The following SLC22A3 variants were observed in gnomAD, a reference collection of about 807,000 sequenced individuals.
SLC22A3 encodes the protein solute carrier family 22 member 3.
SLC22A3 carries 51 observed loss-of-function variants against 59.1 expected under a neutral mutation model. The observed-to-expected ratio is 0.86, with a 90% confidence interval of 0.69 to 1.09. The LOEUF is 1.09. Among genes scored for constraint, SLC22A3 ranks in the 50% least tolerant of loss-of-function variants. The pLI is 0.00. For synonymous variants in SLC22A3, 325 were observed against 292.0 expected (o/e 1.11, Z -1.15); for missense variants, 711 against 726.3 (o/e 0.98, Z 0.24).
chr6:160,443,816 T>A (rs1050851473), intron 9 of SLC22A3, 74 bp downstream of exon 9: 13 of 738,532 alleles, frequency 1.8e-5, no homozygotes, highest in Non-Finnish European at 2.8e-5. Flanking sequence ...TAATAATTGT[T>A]AGGTTCAATA....
chr6:160,443,741 T>C lies in SLC22A3; in HGVS notation c.1509T>C (p.Phe503=), dbSNP rs1215821159. The change falls in exon 9 of 11, where the codon TTT becomes TTC. Residue 503 remains phenylalanine, a splice_region_variant and synonymous_variant. Transcript: ENST00000275300. ...AVWLELPLII[F]GILASICGGL... ...GGCTAGAACTACCTCTGATCATCTT[T>C]GGTAAGAACTCATTTGCTATTCTTA... 1.3e-6 allele frequency: 2 copies of C among 1,588,692 alleles called. No individual in the cohort carries two copies. Among genetic ancestry groups the C allele is most frequent in the African/African-American group, 1.3e-5 (1 of 74,398 alleles).
rs74709039 is a variant in SLC22A3, at chr6:160,353,805, C to T, written c.429+4957C>T. Reference sequence around the variant, plus strand: ...ATGGTCCATGGACCACACAGAGAGACAAGCTGGGTGTTTCTTAATGAGGAG... The same window carrying T: ...ATGGTCCATGGACCACACAGAGAGATAAGCTGGGTGTTTCTTAATGAGGAG... On this transcript the variant is annotated intron_variant, in intron 1 of 10. Transcript: ENST00000275300. Among the ~76,000 whole-genome samples the T allele has an allele frequency of 8.0e-3, 1,209 of 151,978 alleles. 19 individuals are homozygous for T. The highest frequency in any genetic ancestry group is 0.025 in the African/African-American group (1,019 of 41,414).
At chr6:160,426,421 A>G in intron 5 of SLC22A3, 1 of 909,598 alleles carries the variant, frequency 1.1e-6, no homozygotes, top group Non-Finnish European at 1.3e-6. Flanking sequence ...CACTCGTCTC[A>G]TGTCCTACTT....
intron 5 of SLC22A3, among the ~76,000 whole-genome samples, chr6:160,432,455 G>C (rs1788186156): frequency 1.3e-5 from 2 of 148,460 alleles, no homozygotes; most frequent in South Asian, 4.3e-4. Flanking sequence ...TTTTGAGACG[G>C]AGTCTCCCCG....
intron 5 of SLC22A3, among the ~76,000 whole-genome samples, chr6:160,411,576 A>C (rs1449860185): frequency 6.6e-6 from 1 of 152,046 alleles, no homozygotes; most frequent in Non-Finnish European, 1.5e-5. Flanking sequence ...ATCTCTACAA[A>C]TAGAAAGTTT....
At position 160,348,455 on chromosome 6, in the gene SLC22A3, C is replaced by G; in HGVS notation, c.36C>G (p.Gly12=). 1 of 1,531,874 alleles carries G rather than the reference C, an allele frequency of 6.5e-7. No homozygotes were observed. Among genetic ancestry groups the G allele is most frequent in the Non-Finnish European group, 8.7e-7 (1 of 1,143,104 alleles). The allele number at this position is 1,531,874 out of a possible 1,614,324, so 94.9% of individuals were successfully genotyped here. ...PSFDEALQRV[G]EFGRFQRRVF... is the part of the protein sequence containing the mutation. ...TCGACGAGGCGCTGCAGCGGGTGGGCGAGTTCGGGCGCTTCCAGAGGCGCG... is the reference window on the plus strand; with the variant it reads ...TCGACGAGGCGCTGCAGCGGGTGGGGGAGTTCGGGCGCTTCCAGAGGCGCG... Residue 12 remains glycine (G), a synonymous_variant, in exon 1 of 11, where the codon GGC becomes GGG. Transcript: ENST00000275300.
intron 5 of SLC22A3, among the ~76,000 whole-genome samples, chr6:160,418,055 G>T (rs953626444): frequency 6.6e-6 from 1 of 152,168 alleles, no homozygotes; most frequent in African/African-American, 2.4e-5. Context: ...TGGATTGAAG[G>T]ATGCCTAGAT....
At chr6:160,386,898 G>T (rs894437810) in intron 1 of SLC22A3, among the ~76,000 whole-genome samples, 2 of 152,286 alleles carry the variant, frequency 1.3e-5, no homozygotes, top group East Asian at 3.9e-4. Flanking sequence ...CATCTTGATG[G>T]TCACACTGCA....
At chr6:160,349,140 C>T (rs1035577191) in intron 1 of SLC22A3, 1 of 900,384 alleles carries the variant, frequency 1.1e-6, no homozygotes, top group African/African-American at 1.8e-5. Context: ...CTGGCGCACG[C>T]CTGCTCAGGA....
intron 1 of SLC22A3, among the ~76,000 whole-genome samples, chr6:160,351,661 A>G (rs1360574420): frequency 6.6e-6 from 1 of 152,256 alleles, no homozygotes; most frequent in African/African-American, 2.4e-5. Context: ...GTATTTTTAT[A>G]AACTTGAAGC....
chr6:160,368,145 C>T lies in SLC22A3; in HGVS notation c.429+19297C>T, dbSNP rs138473905. On this transcript the variant is annotated intron_variant, in intron 1 of 10. Coordinates refer to ENST00000275300, the MANE Select transcript of SLC22A3 (RefSeq NM_021977.4). ...TGCCAACTTCCAACCTGCCCCTCCC[C>T]ACTCATACCCTCTCCCCCTACTCTT... 7.7e-4 allele frequency among the ~76,000 whole-genome samples: 117 copies of T among 152,236 alleles called. 1 individual carries two copies. The highest frequency in any genetic ancestry group is 2.7e-3 in the African/African-American group (114 of 41,530).
At chr6:160,448,005 T>A (rs552450826) in intron 10 of SLC22A3, among the ~76,000 whole-genome samples, 187 bp downstream of exon 10, 1 of 152,240 alleles carries the variant, frequency 6.6e-6, no homozygotes, top group South Asian at 2.1e-4. Context: ...CAGAGCTAGA[T>A]AAGAGTATGC....
intron 1 of SLC22A3, among the ~76,000 whole-genome samples, chr6:160,351,868 G>A (rs624319): frequency 0.41 from 63,033 of 152,034 alleles, 13,540 homozygotes; most frequent in Non-Finnish European, 0.48. Context: ...AGCCAAACTG[G>A]ATTCAAATCC....
chr6:160,447,582 T>G (rs1472330940), intron 9 of SLC22A3, 137 bp from the exon 10 acceptor site: 3 of 747,020 alleles, frequency 4.0e-6, no homozygotes, highest in Non-Finnish European at 7.3e-6. Context: ...GCTGGGGCAT[T>G]GATCTGGGAT....
intron 10 of SLC22A3, among the ~76,000 whole-genome samples, chr6:160,450,425 TCGCTG>T (rs1788906924): frequency 6.6e-6 from 1 of 152,170 alleles, no homozygotes. Flanking sequence ...TCCCTGAAAA[TCGCTG>T]TTACTCTGTT....
chr6:160,383,595 AT>A (rs1398898634), intron 1 of SLC22A3, among the ~76,000 whole-genome samples: 1 of 152,198 alleles, frequency 6.6e-6, no homozygotes, highest in African/African-American at 2.4e-5. Context: ...CTACATAAAA[AT>A]AAAACACAAT....
intron 1 of SLC22A3, among the ~76,000 whole-genome samples, chr6:160,378,269 A>T (rs912884045): frequency 2.0e-5 from 3 of 152,256 alleles, no homozygotes; most frequent in African/African-American, 7.2e-5. Flanking sequence ...CTGGGAAAAT[A>T]CTAAATATTT....
intron 1 of SLC22A3, among the ~76,000 whole-genome samples, chr6:160,389,395 G>A (rs180976296): frequency 3.9e-5 from 6 of 152,256 alleles, no homozygotes; most frequent in East Asian, 3.9e-4. Context: ...ATAATCCAAC[G>A]TGGCCATGTG....
At chr6:160,393,101 T>A (rs1786328512) in intron 1 of SLC22A3, among the ~76,000 whole-genome samples, 1 of 151,984 alleles carries the variant, frequency 6.6e-6, no homozygotes, top group Non-Finnish European at 1.5e-5. Flanking sequence ...CGATGGCTTA[T>A]AACTAAAGTA....
Sources: allele counts gnomAD v4.1 joint callset (sites outside exome capture counted in the v4.1 genomes callset), GRCh38; gene constraint gnomAD v4.1.1; transcripts MANE v1.5; gene names NCBI Gene and HGNC (gene_info 2026-07-23, HGNC 2026-07-21).